The following MYO5A variants were observed in gnomAD, a reference collection of about 807,000 sequenced individuals.
The protein encoded by MYO5A is unconventional myosin-Va.
Under a neutral mutation model 249.7 loss-of-function variants are expected in MYO5A, and 98 were observed. That is an observed-to-expected ratio of 0.39 (90% CI 0.33 to 0.46). The LOEUF is 0.46. Among genes scored for constraint, MYO5A ranks in the 20% least tolerant of loss-of-function variants. The pLI, the probability that MYO5A is intolerant of heterozygous loss-of-function variation, is 0.98. For synonymous variants in MYO5A, 778 were observed against 810.6 expected (o/e 0.96, Z 0.68); for missense variants, 1,696 against 2,308.8 (o/e 0.73, Z 5.44).
intron 5 of MYO5A, among the ~76,000 whole-genome samples, chr15:52,415,789 G>A (rs1326671322): frequency 2.0e-5 from 3 of 152,162 alleles, no homozygotes; most frequent in Non-Finnish European, 4.4e-5. Context: ...GGACTTGGGG[G>A]AAATGAGTAA....
chr15:52,318,911 G>C, intron 39 of MYO5A, 149 bp downstream of exon 39: 1 of 961,412 alleles, frequency 1.0e-6, no homozygotes, highest in Non-Finnish European at 1.6e-6. Flanking sequence ...AAGGGAAAGT[G>C]GCTCCGTGCC....
At position 52,405,298 on chromosome 15, in the gene MYO5A, A is replaced by C; in HGVS notation, c.1042T>G (p.Cys348Gly). ...VGFTSRDADSCTIPPKHEPLC... is the reference protein window; with the variant it reads ...VGFTSRDADSGTIPPKHEPLC... ...TATTCTGAACTTACAGGTATTGTGC[A>C]GCTGTCTGCATCTCGGGATGTAAAT... The change falls in exon 9 of 42, where the codon TGC (cysteine) becomes GGC (glycine). Residue 348 changes from cysteine (C) to glycine (G), a missense_variant. This residue lies in a region of MYO5A where 185 missense variants were observed against 204.8 expected (regional missense o/e 0.90). Transcript: ENST00000399233. 5.0e-6 allele frequency: 8 copies of C among 1,610,554 alleles called. No individual in the cohort carries two copies. The highest frequency in any genetic ancestry group is 6.8e-6 in the Non-Finnish European group (8 of 1,176,748).
intron 29 of MYO5A, among the ~76,000 whole-genome samples, chr15:52,347,155 G>A (rs147802032): frequency 2.5e-3 from 386 of 151,634 alleles, no homozygotes; most frequent in African/African-American, 6.0e-3. Flanking sequence ...AATTTTCTCC[G>A]TTTAGTCAAA....
At chr15:52,479,080 C>T (rs1387681116) in intron 1 of MYO5A, among the ~76,000 whole-genome samples, 1 of 151,992 alleles carries the variant, frequency 6.6e-6, no homozygotes, top group Non-Finnish European at 1.5e-5. Flanking sequence ...ACTGTAACCT[C>T]TGCCCCCTGG....
upstream of MYO5A, chr15:52,528,886 G>A (rs1201006090): frequency 7.6e-6 from 10 of 1,308,268 alleles, no homozygotes; most frequent in African/African-American, 3.1e-5. Context: ...GGACTAGGAA[G>A]CGCCCGCAGC....
chr15:52,316,233 C>CAAAAAAAAA lies in MYO5A; in HGVS notation c.5409+806_5409+814dup, dbSNP rs5812596. Among the ~76,000 whole-genome samples the CAAAAAAAAA allele has an allele frequency of 1.7e-3, 105 of 60,364 alleles. 1 individual carries two copies. The highest frequency in any genetic ancestry group is 2.0e-3 in the Non-Finnish European group (70 of 34,912). The allele number at this position is 60,364 out of a possible 152,430, so 39.6% of individuals were successfully genotyped here. On this transcript the variant is annotated intron_variant, in intron 40 of 41. Coordinates refer to ENST00000399233, the MANE Select transcript of MYO5A (RefSeq NM_001382347.1). ...TGGGCGACACAGCGAGACTCCGTCA[C>CAAAAAAAAA]AAAAAAAAAAAAAAAAAAAAAAAAA...
At chr15:52,353,825 G>C (rs2040070731) in intron 26 of MYO5A, 46 bp downstream of exon 26, 1 of 1,610,734 alleles carries the variant, frequency 6.2e-7, no homozygotes, top group Non-Finnish European at 8.5e-7. Context: ...TGCTGAAATG[G>C]ACATAAAGCC....
chr15:52,405,223 A>C (rs2042952185), intron 9 of MYO5A, 64 bp downstream of exon 9: 1 of 1,220,206 alleles, frequency 8.2e-7, no homozygotes, highest in South Asian at 1.2e-5. Context: ...TTGCTTCTTT[A>C]AACAATCTAC....
At chr15:52,403,232 T>A (rs2042838677) in intron 9 of MYO5A, among the ~76,000 whole-genome samples, 1 of 152,160 alleles carries the variant, frequency 6.6e-6, no homozygotes, top group Admixed American at 6.5e-5. Context: ...GATGCAGAAA[T>A]CAGAGTTCTT....
At chr15:52,463,233 G>A (rs950550324) in intron 1 of MYO5A, among the ~76,000 whole-genome samples, 1 of 152,174 alleles carries the variant, frequency 6.6e-6, no homozygotes, top group Non-Finnish European at 1.5e-5. Flanking sequence ...TTCCCCAGAT[G>A]TCAAGCCGGC....
intron 4 of MYO5A, among the ~76,000 whole-genome samples, chr15:52,422,454 A>G (rs2075301627): frequency 6.6e-6 from 1 of 152,154 alleles, no homozygotes; most frequent in Admixed American, 6.5e-5. Context: ...TCTACATCTC[A>G]ATAAACAGCA....
intron 2 of MYO5A, among the ~76,000 whole-genome samples, chr15:52,430,957 T>C (rs546213486): frequency 1.6e-4 from 24 of 151,434 alleles, no homozygotes; most frequent in Non-Finnish European, 3.5e-4. Context: ...CAAGGCTGGG[T>C]GCAGTGGCTC....
chr15:52,311,398 G>T lies in MYO5A; in HGVS notation c.*2298C>A, dbSNP rs1445604907. On this transcript the variant is annotated 3_prime_UTR_variant, in exon 42 of 42. Coordinates refer to ENST00000399233, the MANE Select transcript of MYO5A (RefSeq NM_001382347.1). The stretch of plus-strand genomic sequence containing the variant: ...TGACACATTTGGTACGAACCAAATG[G>T]CTATGACTTAATTGTGCATTGAAAA... 1 of 152,174 alleles carries T rather than the reference G, an allele frequency of 6.6e-6. No homozygotes were observed. Among genetic ancestry groups the T allele is most frequent in the Non-Finnish European group, 1.5e-5 (1 of 68,050 alleles). The allele number at this position is 152,174 out of a possible 1,614,324, so 9.4% of individuals were successfully genotyped here.
intron 36 of MYO5A, among the ~76,000 whole-genome samples, chr15:52,325,380 T>G (rs988040413): frequency 6.6e-6 from 1 of 151,208 alleles, no homozygotes; most frequent in Admixed American, 6.6e-5. Flanking sequence ...TTTTCATTAG[T>G]GGGCTCTAGG....
At chr15:52,515,286 AAAAG>A (rs3079114) in intron 1 of MYO5A, among the ~76,000 whole-genome samples, 41 of 147,840 alleles carry the variant, frequency 2.8e-4, no homozygotes, top group African/African-American at 9.7e-4. Flanking sequence ...CAAGAAAAAA[AAAAG>A]AAAGAAAGAA....
chr15:52,374,155 G>A (rs2041277926), intron 20 of MYO5A, among the ~76,000 whole-genome samples: 1 of 152,052 alleles, frequency 6.6e-6, no homozygotes, highest in Non-Finnish European at 1.5e-5. Context: ...AAATGAAAGA[G>A]ATAAAAATCG....
chr15:52,328,379 T>C (rs1232189727), intron 35 of MYO5A, among the ~76,000 whole-genome samples: 1 of 152,242 alleles, frequency 6.6e-6, no homozygotes, highest in Non-Finnish European at 1.5e-5. Context: ...ATAGCAGGTC[T>C]AGTCTTCCAG....
chr15:52,379,188 C>T (rs1216145190), intron 18 of MYO5A, among the ~76,000 whole-genome samples: 1 of 152,124 alleles, frequency 6.6e-6, no homozygotes, highest in Non-Finnish European at 1.5e-5. Flanking sequence ...GTCGCTTTGT[C>T]ATCCCCTGAT....
chr15:52,426,925 G>A (rs1414124891), intron 3 of MYO5A, among the ~76,000 whole-genome samples: 1 of 151,888 alleles, frequency 6.6e-6, no homozygotes, highest in Admixed American at 6.6e-5. Flanking sequence ...CAGTAAGGAG[G>A]GGTTTCTGAC....
Sources: allele counts gnomAD v4.1 joint callset (sites outside exome capture counted in the v4.1 genomes callset), GRCh38; gene constraint gnomAD v4.1.1; regional missense constraint gnomAD v4.1.1; transcripts MANE v1.5; gene names NCBI Gene and HGNC (gene_info 2026-07-23, HGNC 2026-07-21).